The following LRIG2 variants were observed in gnomAD, a reference collection of about 807,000 sequenced individuals.
The protein encoded by LRIG2 is leucine-rich repeats and immunoglobulin-like domains protein 2.
A neutral mutation model predicts 107.8 loss-of-function variants in LRIG2; 93 were observed. The ratio of observed to expected loss-of-function variants is 0.86; its 90% CI spans 0.73 to 1.03. LRIG2 has a LOEUF of 1.03. LRIG2 is among the 50% of genes least tolerant of loss of function. LRIG2 has a pLI of 0.00. For missense variants in LRIG2, 1,226 were observed against 1,296.0 expected (o/e 0.95, Z 0.83); for synonymous variants, 471 against 470.6 (o/e 1.00, Z -0.01).
chr1:113,114,732 A>G lies in LRIG2; in HGVS notation c.2386A>G (p.Ile796Val), dbSNP rs1187018438. ...SPNCDSSQSSIGHEDDGWTTV... is the reference protein window; with the variant it reads ...SPNCDSSQSSVGHEDDGWTTV... ...CAATTGTGACTCTTCCCAGAGTAGC[A>G]TTGGGCATGAAGATGATGGCTGGAC... is the stretch of plus-strand genomic sequence containing the variant. The change falls in exon 15 of 18, where the codon ATT becomes GTT. Residue 796 changes from isoleucine (I) to valine (V), a missense_variant. Ile to Val is a conservative substitution (Grantham distance 29). Transcript: ENST00000361127. 5 of 1,614,058 alleles carry G rather than the reference A, an allele frequency of 3.1e-6. No individual in the cohort carries two copies. Among genetic ancestry groups the G allele is most frequent in the African/African-American group, 2.7e-5 (2 of 74,916 alleles).
intron 11 of LRIG2, among the ~76,000 whole-genome samples, chr1:113,106,057 G>A (rs909978673): frequency 1.3e-5 from 2 of 151,990 alleles, no homozygotes; most frequent in Non-Finnish European, 2.9e-5. Flanking sequence ...GTGAAACCCC[G>A]TCTCTACTAA....
chr1:113,083,345 C>CTTTTT (rs10641659), intron 1 of LRIG2, among the ~76,000 whole-genome samples: 1 of 109,034 alleles, frequency 9.2e-6, no homozygotes. Flanking sequence ...TGGCTGCTCA[C>CTTTTT]TTTTTTTTTT....
chr1:113,073,994 G>T, intron 1 of LRIG2, among the ~76,000 whole-genome samples: 1 of 107,498 alleles, frequency 9.3e-6, no homozygotes, highest in Non-Finnish European at 1.8e-5. Flanking sequence ...CGGGGGGTGG[G>T]TTGAGCACGG....
chr1:113,073,554 C>T lies in LRIG2; in HGVS notation c.148C>T (p.Arg50Cys). ...AGLCPAPCSC[R>C]IPLLDCSRRK... Reference sequence around the variant, plus strand: ...TCTCTGCCCCGCGCCCTGCTCCTGCCGCATTCCTCTCCTGGACTGCAGTCG... The same window carrying T: ...TCTCTGCCCCGCGCCCTGCTCCTGCTGCATTCCTCTCCTGGACTGCAGTCG... Residue 50 changes from arginine (R) to cysteine (C), a missense_variant, in exon 1 of 18, where the codon CGC becomes TGC. Around this residue, in one of 3 missense-constraint regions of LRIG2, gnomAD observed 570 missense variants for 550.2 expected, o/e 1.04. Transcript: ENST00000361127. 1 of 1,614,140 alleles carries T rather than the reference C, an allele frequency of 6.2e-7. No homozygotes were observed. The highest frequency in any genetic ancestry group is 8.5e-7 in the Non-Finnish European group (1 of 1,180,026).
At chr1:113,108,595 G>A (rs1205374835) in intron 12 of LRIG2, among the ~76,000 whole-genome samples, 1 of 151,354 alleles carries the variant, frequency 6.6e-6, no homozygotes, top group African/African-American at 2.4e-5. Context: ...ATGTCCTTTA[G>A]GCCGGGCACT....
chr1:113,087,533 G>C (rs1653611368), intron 1 of LRIG2, among the ~76,000 whole-genome samples: 1 of 152,064 alleles, frequency 6.6e-6, no homozygotes, highest in African/African-American at 2.4e-5. Flanking sequence ...ATTTTTTGTA[G>C]AGACGGGGTT....
At chr1:113,117,847 C>T (rs888732777) in intron 16 of LRIG2, among the ~76,000 whole-genome samples, 4 of 152,074 alleles carry the variant, frequency 2.6e-5, no homozygotes, top group Non-Finnish European at 4.4e-5. Context: ...AATAACACTG[C>T]TTTCTGGGTT....
In LRIG2 at chr1:113,130,903, C is replaced by G. The variant is rs1221923461; in HGVS notation, c.*6802C>G. 3 of 152,052 alleles carry G rather than the reference C, an allele frequency of 2.0e-5. No homozygotes were observed. The highest frequency in any genetic ancestry group is 4.4e-5 in the Non-Finnish European group (3 of 68,034). 9.4% of individuals were successfully genotyped at this position (152,052 alleles called of 1,614,324 possible). A position where few individuals can be genotyped will look rare whatever the true frequency, so the allele number is the denominator to read the frequency against. ...TTACTATACTAACAAATTTAAAAGC[C>G]TATAATGTATTAAAACTCTTTTTTA... On this transcript the variant is annotated 3_prime_UTR_variant, in exon 18 of 18. Transcript: ENST00000361127.
chr1:113,117,364 A>G (rs143096168), intron 16 of LRIG2, among the ~76,000 whole-genome samples: 6 of 152,362 alleles, frequency 3.9e-5, no homozygotes, highest in Non-Finnish European at 8.8e-5. Context: ...TACTTCAAAT[A>G]CTATACAAAT....
At chr1:113,111,297 A>G (rs974858795) in intron 13 of LRIG2, among the ~76,000 whole-genome samples, 6 of 152,156 alleles carry the variant, frequency 3.9e-5, no homozygotes, top group Non-Finnish European at 5.9e-5. Flanking sequence ...TGGCCTCCCA[A>G]AGTATTCGGA....
At chr1:113,074,951 C>T (rs926867441) in intron 1 of LRIG2, among the ~76,000 whole-genome samples, 4 of 151,504 alleles carry the variant, frequency 2.6e-5, no homozygotes, top group Non-Finnish European at 5.9e-5. Flanking sequence ...GGTGCGGTGG[C>T]TCACGCTTGT....
chr1:113,126,174 G>GTTAT lies in LRIG2; in HGVS notation c.*2076_*2079dup, dbSNP rs1655477663. On this transcript the variant is annotated 3_prime_UTR_variant, in exon 18 of 18. Coordinates refer to ENST00000361127, the MANE Select transcript of LRIG2 (RefSeq NM_014813.3). ...CATGCCACTTTGCAACTATGGGTCA[G>GTTAT]TTATTTGCTCTCTCAATGTCTCATG... 1 of 152,204 alleles carries GTTAT rather than the reference G, an allele frequency of 6.6e-6. No homozygotes were observed. Among genetic ancestry groups the GTTAT allele is most frequent in the African/African-American group, 2.4e-5 (1 of 41,456 alleles). 9.4% of individuals were successfully genotyped at this position (152,204 alleles called of 1,614,324 possible). A position where few individuals can be genotyped will look rare whatever the true frequency, so the allele number is the denominator to read the frequency against.
At chr1:113,083,520 A>G (rs1424538003) in intron 1 of LRIG2, among the ~76,000 whole-genome samples, 1 of 150,722 alleles carries the variant, frequency 6.6e-6, no homozygotes, top group Non-Finnish European at 1.5e-5. Flanking sequence ...TAATTTTTGT[A>G]TTTTTAGTAG....
rs569489969 is a variant in LRIG2, at chr1:113,080,172, C to T, written c.239+6527C>T. Among the ~76,000 whole-genome samples the T allele has an allele frequency of 9.9e-5, 15 of 151,006 alleles. No individual in the cohort carries two copies. In the East Asian group the frequency reaches 1.4e-3, roughly 14 times the overall value. On this transcript the variant is annotated intron_variant, in intron 1 of 17. Coordinates refer to ENST00000361127, the MANE Select transcript of LRIG2 (RefSeq NM_014813.3). ...AGTAGCTGGGACTACAGGCACGTAC[C>T]ACCTCACCCAGCTAATTTTTGTATT... is the stretch of plus-strand genomic sequence containing the variant.
intron 13 of LRIG2, among the ~76,000 whole-genome samples, chr1:113,111,089 C>A (rs555359565): frequency 6.6e-6 from 1 of 152,062 alleles, no homozygotes; most frequent in Non-Finnish European, 1.5e-5. Context: ...GGATGGAATG[C>A]AGTGGCATGA....
chr1:113,084,213 C>CTTTT (rs66711679), intron 1 of LRIG2, among the ~76,000 whole-genome samples: 10 of 120,908 alleles, frequency 8.3e-5, no homozygotes, highest in Non-Finnish European at 1.5e-4. Flanking sequence ...TTACTTAATT[C>CTTTT]TTTTTTTTTT....
intron 8 of LRIG2, among the ~76,000 whole-genome samples, chr1:113,097,418 A>G (rs560963475): frequency 1.6e-5 from 1 of 63,814 alleles, no homozygotes; most frequent in African/African-American, 3.2e-5. Flanking sequence ...GAGAGGGAAA[A>G]CAAGATAATT....
chr1:113,118,738 C>A (rs1407534160), intron 16 of LRIG2, among the ~76,000 whole-genome samples: 1 of 151,500 alleles, frequency 6.6e-6, no homozygotes, highest in African/African-American at 2.4e-5. Context: ...GATCTCGGCT[C>A]ACTGCAAGCT....
At chr1:113,105,468 A>G (rs961976725) in intron 11 of LRIG2, among the ~76,000 whole-genome samples, 1 of 152,206 alleles carries the variant, frequency 6.6e-6, no homozygotes, top group Non-Finnish European at 1.5e-5. Context: ...TAAAATTTAT[A>G]TGCAAGTTTT....
Sources: gnomAD v4.1 joint callset for allele counts (sites outside exome capture counted in the v4.1 genomes callset) on GRCh38, gnomAD v4.1.1 for gene constraint, gnomAD v4.1.1 regional missense constraint, MANE v1.5 for transcripts, NCBI Gene and HGNC (gene_info 2026-07-23, HGNC 2026-07-21) for gene names.